ANK2: variants seen among roughly 807,000 people sequenced by gnomAD.
The protein encoded by ANK2 is ankyrin-2.
In ANK2, 83 loss-of-function variants were observed where a neutral mutation model predicts 360.5. The ratio of observed to expected loss-of-function variants is 0.23; its 90% CI spans 0.19 to 0.28. The LOEUF is 0.28. ANK2 is among the 10% of genes least tolerant of loss of function. The pLI, the probability that ANK2 is intolerant of heterozygous loss-of-function variation, is 1.00. For missense variants in ANK2, 4,201 were observed against 4,795.7 expected (o/e 0.88, Z 3.66); for synonymous variants, 1,740 against 1,759.5 (o/e 0.99, Z 0.28).
At chr4:112,927,993 G>A (rs141590004) in intron 2 of ANK2, among the ~76,000 whole-genome samples, 14 of 152,188 alleles carry the variant, frequency 9.2e-5, no homozygotes, top group East Asian at 7.7e-4. Flanking sequence ...TAATTTATAA[G>A]CTCTTTCTGA....
chr4:113,065,778 G>A (rs2075343343), intron 1 of ANK2, among the ~76,000 whole-genome samples: 2 of 152,188 alleles, frequency 1.3e-5, no homozygotes, highest in Non-Finnish European at 1.5e-5. Context: ...CTAACATCAA[G>A]TGGGGTACTG....
chr4:112,916,979 A>C (rs530660705), intron 2 of ANK2, among the ~76,000 whole-genome samples: 338 of 152,340 alleles, frequency 2.2e-3, no homozygotes, highest in Non-Finnish European at 3.4e-3. Flanking sequence ...AGTGCCATAA[A>C]TGCTAAGGGA....
At chr4:112,858,107 A>C (rs1186784532) in intron 1 of ANK2, among the ~76,000 whole-genome samples, 2 of 152,174 alleles carry the variant, frequency 1.3e-5, no homozygotes, top group African/African-American at 4.8e-5. Context: ...CTTCCATACC[A>C]TGGAAATGAC....
chr4:112,779,852 G>T, the ANK2 span, among the ~76,000 whole-genome samples: 1 of 152,148 alleles, frequency 6.6e-6, no homozygotes, highest in Admixed American at 6.5e-5. Context: ...TTCTTGCAGG[G>T]CATCATTATT....
intron 23 of ANK2, among the ~76,000 whole-genome samples, chr4:113,309,545 G>A (rs761517932): frequency 1.3e-5 from 2 of 152,060 alleles, no homozygotes; most frequent in Non-Finnish European, 2.9e-5. Flanking sequence ...TTGAGACAGG[G>A]TCTTACTCTG....
rs547998580 is a variant in ANK2, at chr4:113,106,265, G to T, written c.84+56453G>T. ...AACTGGATTTAATATCTTTCATCCAGCAGAGGGCTACCAAACTCCATTAGT... is the reference window on the plus strand; with the variant it reads ...AACTGGATTTAATATCTTTCATCCATCAGAGGGCTACCAAACTCCATTAGT... On this transcript the variant is annotated intron_variant, in intron 1 of 45. Coordinates refer to ENST00000357077, the MANE Select transcript of ANK2 (RefSeq NM_001148.6). 1.1e-4 allele frequency among the ~76,000 whole-genome samples: 17 copies of T among 152,262 alleles called. No homozygotes were observed. In the East Asian group the frequency reaches 3.3e-3, roughly 29 times the overall value.
the ANK2 span, among the ~76,000 whole-genome samples, chr4:112,736,336 G>A: frequency 2.0e-5 from 3 of 151,864 alleles, no homozygotes; most frequent in Non-Finnish European, 2.9e-5. Flanking sequence ...GGCAGCCTGC[G>A]CCTATATAGT....
rs1290395400 is a variant in ANK2 at position 113,381,707 on chromosome 4, G to A, written c.*236G>A. 3 of 1,497,550 alleles carry A rather than the reference G, an allele frequency of 2.0e-6. No homozygotes were observed. The highest frequency in any genetic ancestry group is 5.0e-5 in the East Asian group (2 of 40,380). 92.8% of individuals were successfully genotyped at this position (1,497,550 alleles called of 1,614,324 possible). On this transcript the variant is annotated 3_prime_UTR_variant, in exon 46 of 46. Coordinates refer to ENST00000357077, the MANE Select transcript of ANK2 (RefSeq NM_001148.6). Reference sequence around the variant, plus strand: ...AATATGCAGCTTCCTGTTTCAGTAGGGGAGTGACCTAACTGGCCTAATTAA... The same window carrying A: ...AATATGCAGCTTCCTGTTTCAGTAGAGGAGTGACCTAACTGGCCTAATTAA...
intron 35 of ANK2, 177 bp from the exon 36 acceptor site, chr4:113,348,099 T>G: frequency 1.6e-6 from 1 of 641,696 alleles, no homozygotes; most frequent in Non-Finnish European, 2.8e-6. Flanking sequence ...TAAGCCAATC[T>G]TCTTTTCTGC....
At chr4:112,857,207 G>A (rs923507640) in intron 1 of ANK2, among the ~76,000 whole-genome samples, 2 of 151,936 alleles carry the variant, frequency 1.3e-5, no homozygotes, top group Non-Finnish European at 1.5e-5. Context: ...TTCAGTAGGA[G>A]GAGAAAAAAA....
chr4:112,754,478 G>A, the ANK2 span, among the ~76,000 whole-genome samples: 9 of 147,478 alleles, frequency 6.1e-5, no homozygotes, highest in East Asian at 2.0e-4. Context: ...TTGGGTCCTC[G>A]TTGTTTTTGT....
At chr4:112,821,979 GC>G (rs1213693705) in intron 1 of ANK2, among the ~76,000 whole-genome samples, 1 of 151,608 alleles carries the variant, frequency 6.6e-6, no homozygotes, top group Non-Finnish European at 1.5e-5. Context: ...TGTTGCCCAG[GC>G]TGGTCTTGAA....
intron 2 of ANK2, among the ~76,000 whole-genome samples, chr4:112,941,087 A>T (rs1332996704): frequency 6.6e-6 from 1 of 151,990 alleles, no homozygotes; most frequent in Non-Finnish European, 1.5e-5. Context: ...CACCTTTAAG[A>T]TGTTCATATT....
chr4:113,185,178 G>T (rs969946531), intron 2 of ANK2, among the ~76,000 whole-genome samples: 5 of 152,188 alleles, frequency 3.3e-5, no homozygotes, highest in African/African-American at 1.2e-4. Flanking sequence ...ATGTGCATGT[G>T]TCTTTATAGT....
chr4:113,237,670 T>C, intron 7 of ANK2, 48 bp downstream of exon 7: 2 of 1,518,350 alleles, frequency 1.3e-6, no homozygotes, highest in Non-Finnish European at 1.8e-6. Flanking sequence ...TTATTTTTAG[T>C]TTTTGCCCAA....
chr4:112,887,602 A>G (rs1373677816), intron 1 of ANK2, among the ~76,000 whole-genome samples: 1 of 152,120 alleles, frequency 6.6e-6, no homozygotes, highest in Admixed American at 6.5e-5. Flanking sequence ...ACACTCTTCA[A>G]TTTTTGTATT....
chr4:112,907,748 G>A (rs2085737965), intron 2 of ANK2, among the ~76,000 whole-genome samples: 1 of 152,090 alleles, frequency 6.6e-6, no homozygotes, highest in Non-Finnish European at 1.5e-5. Flanking sequence ...TAATTTTAGT[G>A]ATAGTATATA....
In ANK2 at chr4:113,126,735, G is replaced by A. The variant is rs186776574; in HGVS notation, c.85-47681G>A. On this transcript the variant is annotated intron_variant, in intron 1 of 45. Transcript: ENST00000357077. ...ATTCTCTGACTACAAACACATTATC[G>A]AATATAAGGGCCCTTGTATATAACA... Among the ~76,000 whole-genome samples, 8 of 152,188 alleles carry A rather than the reference G, an allele frequency of 5.3e-5. No homozygotes were observed. The East Asian group carries it at 1.5e-3, about 29-fold the overall frequency.
chr4:112,978,525 A>T (rs1164950948), intron 2 of ANK2, among the ~76,000 whole-genome samples: 4 of 152,004 alleles, frequency 2.6e-5, no homozygotes, highest in Non-Finnish European at 5.9e-5. Flanking sequence ...CTCCTTTCCA[A>T]CTCTCTGAAT....
Sources: gnomAD v4.1 joint callset for allele counts (sites outside exome capture counted in the v4.1 genomes callset) on GRCh38, gnomAD v4.1.1 for gene constraint, MANE v1.5 for transcripts, NCBI Gene and HGNC (gene_info 2026-07-23, HGNC 2026-07-21) for gene names.